Variants in CTSB observed in about 807,000 individuals in gnomAD.
CTSB encodes the protein cathepsin B.
CTSB carries 57 observed loss-of-function variants against 44.3 expected under a neutral mutation model. That is an observed-to-expected ratio of 1.29 (90% CI 1.04 to 1.60). The LOEUF is 1.60. CTSB is among the 40% of genes most tolerant of loss of function. The pLI is 0.00. For missense variants in CTSB, 768 were observed against 443.0 expected (o/e 1.73, Z -6.59); for synonymous variants, 320 against 168.0 (o/e 1.91, Z -7.00).
At chr8:11,849,491 G>C in intron 4 of CTSB, 1 of 197,868 alleles carries the variant, frequency 5.1e-6, no homozygotes, top group Non-Finnish European at 1.1e-5. Context: ...TAAAGCAAGA[G>C]AAGCACCCCC....
intron 1 of CTSB, chr8:11,854,948 T>G (rs1398514824): frequency 6.6e-6 from 1 of 152,312 alleles, no homozygotes; most frequent in Non-Finnish European, 1.5e-5. Flanking sequence ...AGGACAGTGC[T>G]TGTACAAGTG....
chr8:11,852,346 G>C (rs774298504), intron 3 of CTSB, among the ~76,000 whole-genome samples: 6 of 152,140 alleles, frequency 3.9e-5, no homozygotes, highest in Non-Finnish European at 8.8e-5. Context: ...ACTCCAGCCT[G>C]GGTGACAGAG....
At chr8:11,863,403 G>C (rs1359827706) in intron 1 of CTSB, among the ~76,000 whole-genome samples, 1 of 151,686 alleles carries the variant, frequency 6.6e-6, no homozygotes, top group Non-Finnish European at 1.5e-5. Context: ...AGGTTACAGT[G>C]AGCCGAGATT....
intron 1 of CTSB, among the ~76,000 whole-genome samples, chr8:11,863,336 G>A (rs1471422991): frequency 2.0e-5 from 3 of 152,072 alleles, no homozygotes; most frequent in Admixed American, 1.3e-4. Flanking sequence ...GCACACGCCT[G>A]TAATCCCAGC....
At chr8:11,854,294 G>C (rs1008921477) in intron 1 of CTSB, among the ~76,000 whole-genome samples, 1 of 152,116 alleles carries the variant, frequency 6.6e-6, no homozygotes, top group Non-Finnish European at 1.5e-5. Flanking sequence ...GGGCTCCCAC[G>C]GGTGGGTGAG....
At chr8:11,856,412 G>C (rs1012944970) in intron 1 of CTSB, among the ~76,000 whole-genome samples, 17 of 151,980 alleles carry the variant, frequency 1.1e-4, no homozygotes, top group African/African-American at 3.9e-4. Context: ...TCAGGAGTTA[G>C]AGACCAGCCT....
intron 1 of CTSB, among the ~76,000 whole-genome samples, chr8:11,866,918 C>G (rs1485767896): frequency 3.3e-5 from 5 of 152,188 alleles, no homozygotes; most frequent in African/African-American, 1.2e-4. Flanking sequence ...TGCATCTCAG[C>G]TATCCTCTCC....
At chr8:11,864,394 G>A (rs1004448019) in intron 1 of CTSB, 2 of 151,640 alleles carry the variant, frequency 1.3e-5, no homozygotes, top group Non-Finnish European at 2.9e-5. Flanking sequence ...AGGCTGAGGT[G>A]GGAACCAGAT....
rs1178421873 is a variant in CTSB at position 11,867,673 on chromosome 8, G to C, written c.-26+328C>G. ...GACCCGGCCGAGCTCTTCCTCGCAG[G>C]CGCCTCCCTCGGCGGTCCTGGCCGC... On this transcript the variant is annotated intron_variant, in intron 1 of 9. Transcript: ENST00000353047. 3 of 152,238 alleles carry C rather than the reference G, an allele frequency of 2.0e-5. No individual in the cohort carries two copies. The South Asian group carries it at 6.2e-4, about 31-fold the overall frequency. The allele number at this position is 152,238 out of a possible 1,614,324, so 9.4% of individuals were successfully genotyped here.
At chr8:11,848,374 C>G (rs373170554) in intron 5 of CTSB, 1 of 662,236 alleles carries the variant, frequency 1.5e-6, no homozygotes, top group Non-Finnish European at 2.8e-6. Flanking sequence ...CACAAAGATC[C>G]GGGAGAAGAC....
intron 7 of CTSB, among the ~76,000 whole-genome samples, 162 bp downstream of exon 7, chr8:11,847,517 T>A (rs1020129682): frequency 2.6e-5 from 4 of 151,700 alleles, no homozygotes; most frequent in African/African-American, 4.8e-5. Context: ...AAGTGGAGAG[T>A]GTGCTGCTTC....
In CTSB at chr8:11,845,058, T is replaced by A; in HGVS notation, c.*67A>T. ...TCTGAAACTTGTATCTTACGTGAAC[T>A]TAAAGAATAAAATGCATTTCTACCC... On this transcript the variant is annotated 3_prime_UTR_variant, in exon 10 of 10. Coordinates refer to ENST00000353047, the MANE Select transcript of CTSB (RefSeq NM_001908.5). The A allele has an allele frequency of 9.2e-7, 1 of 1,089,122 alleles. No homozygotes were observed. Among genetic ancestry groups the A allele is most frequent in the Admixed American group, 1.8e-5 (1 of 57,084 alleles). 67.5% of individuals were successfully genotyped at this position (1,089,122 alleles called of 1,614,324 possible).
intron 1 of CTSB, 200 bp downstream of exon 1, chr8:11,867,801 T>G (rs906362340): frequency 6.6e-6 from 1 of 152,134 alleles, no homozygotes; most frequent in African/African-American, 2.4e-5. Flanking sequence ...CGCCGACGCT[T>G]CGGAGCGCGC....
chr8:11,855,267 G>C (rs1815320869), intron 1 of CTSB, among the ~76,000 whole-genome samples: 1 of 152,170 alleles, frequency 6.6e-6, no homozygotes, highest in Non-Finnish European at 1.5e-5. Flanking sequence ...TGATCCACCT[G>C]ACTCAGCCTC....
At chr8:11,845,382 A>G (rs550773436) in intron 9 of CTSB, among the ~76,000 whole-genome samples, 160 bp from the exon 10 acceptor site, 2 of 152,290 alleles carry the variant, frequency 1.3e-5, no homozygotes, top group African/African-American at 2.4e-5. Context: ...GCCGTGGGGC[A>G]CACCTCCACG....
chr8:11,858,081 G>C (rs1029245892), intron 1 of CTSB: 11 of 152,216 alleles, frequency 7.2e-5, no homozygotes, highest in African/African-American at 2.7e-4. Flanking sequence ...AATGGAGCTA[G>C]TAACCATCGT....
chr8:11,849,333 A>G (rs754843863), intron 4 of CTSB, 169 bp from the exon 5 acceptor site: 1 of 513,636 alleles, frequency 1.9e-6, no homozygotes, highest in East Asian at 3.5e-5. Context: ...TTTGGTAGAA[A>G]TGGGGTCTTG....
In CTSB at chr8:11,843,252, GCT is replaced by G. The variant is rs1812588563; in HGVS notation, c.*1871_*1872del. ...GTGAGCCACGACGGCCGGCTGTTAT[GCT>G]CATCATGGCACTTAAGAGATGCTTA... On this transcript the variant is annotated 3_prime_UTR_variant, in exon 10 of 10. Transcript: ENST00000353047. The G allele has an allele frequency of 2.0e-5, 3 of 152,084 alleles. No homozygotes were observed. The highest frequency in any genetic ancestry group is 2.1e-4 in the South Asian group (1 of 4,826). The allele number at this position is 152,084 out of a possible 1,614,324, so 9.4% of individuals were successfully genotyped here.
intron 9 of CTSB, 77 bp from the exon 10 acceptor site, chr8:11,845,299 T>G: frequency 1.8e-6 from 2 of 1,125,230 alleles, no homozygotes; most frequent in Non-Finnish European, 2.7e-6. Context: ...TTAAAAGACC[T>G]TAAGTCACTC....
Sources: allele counts gnomAD v4.1 joint callset (sites outside exome capture counted in the v4.1 genomes callset), GRCh38; gene constraint gnomAD v4.1.1; transcripts MANE v1.5; gene names NCBI Gene and HGNC (gene_info 2026-07-23, HGNC 2026-07-21).